CCDC146: variants seen among roughly 807,000 people sequenced by gnomAD.
CCDC146 encodes coiled-coil domain-containing protein 146.
CCDC146 carries 92 observed loss-of-function variants against 119.3 expected under a neutral mutation model. The ratio of observed to expected loss-of-function variants is 0.77; its 90% confidence interval spans 0.65 to 0.92. The LOEUF (loss-of-function observed/expected upper bound fraction) is 0.92. Ranked by LOEUF, CCDC146 falls within the 40% of genes least tolerant of loss-of-function variation. The pLI is 0.00. For missense variants in CCDC146, 1,000 were observed against 1,103.0 expected, an observed-to-expected ratio of 0.91 and a Z score of 1.32; for synonymous variants, 372 against 371.8, an observed-to-expected ratio of 1.00 and a Z score of -0.01.
intron 3 of CCDC146, among the ~76,000 whole-genome samples, chr7:77,240,571 T>C (rs1329388811): frequency 6.6e-6 from 1 of 152,260 alleles, no homozygotes; most frequent in Non-Finnish European, 1.5e-5. Flanking sequence ...AAATGCTATG[T>C]AAATGGTTGT....
chr7:77,285,264 A>C (rs748361997), intron 15 of CCDC146, among the ~76,000 whole-genome samples: 2 of 152,200 alleles, frequency 1.3e-5, no homozygotes, highest in African/African-American at 4.8e-5. Flanking sequence ...ATAAGCAAGC[A>C]CTATATTTTT....
chr7:77,256,278 G>C, intron 5 of CCDC146, 55 bp from the exon 6 acceptor site: 1 of 1,303,032 alleles, frequency 7.7e-7, no homozygotes, highest in Non-Finnish European at 1.0e-6. Context: ...CAGTTTTTAG[G>C]TAGATAAATG....
intron 3 of CCDC146, among the ~76,000 whole-genome samples, chr7:77,240,576 G>T (rs1457068211): frequency 1.3e-5 from 2 of 152,146 alleles, no homozygotes; most frequent in African/African-American, 4.8e-5. Flanking sequence ...CTATGTAAAT[G>T]GTTGTTATGC....
intron 2 of CCDC146, among the ~76,000 whole-genome samples, chr7:77,190,755 C>T (rs1349974836): frequency 6.6e-6 from 1 of 152,120 alleles, no homozygotes; most frequent in African/African-American, 2.4e-5. Flanking sequence ...TGGCAATGCA[C>T]AGAATGAAAT....
At chr7:77,218,615 C>CTTT (rs569678543) in intron 2 of CCDC146, among the ~76,000 whole-genome samples, 26 of 142,542 alleles carry the variant, frequency 1.8e-4, no homozygotes, top group Non-Finnish European at 2.5e-4. Context: ...TACCAATTCT[C>CTTT]TTTTTTTTTT....
intron 1 of CCDC146, among the ~76,000 whole-genome samples, chr7:77,157,312 T>C (rs1246344498): frequency 2.2e-5 from 3 of 134,004 alleles, no homozygotes; most frequent in Non-Finnish European, 4.7e-5. Context: ...TGAGTAATAT[T>C]GAAAGACCGT....
intron 2 of CCDC146, among the ~76,000 whole-genome samples, chr7:77,221,316 A>G (rs973904215): frequency 6.6e-6 from 1 of 152,228 alleles, no homozygotes; most frequent in Non-Finnish European, 1.5e-5. Flanking sequence ...CAAGTTTTCA[A>G]TTCAAAGGCT....
chr7:77,184,523 T>A (rs532766722), intron 2 of CCDC146, among the ~76,000 whole-genome samples: 1 of 152,356 alleles, frequency 6.6e-6, no homozygotes, highest in African/African-American at 2.4e-5. Flanking sequence ...AATTTACTTG[T>A]AAATGACACA....
intron 4 of CCDC146, among the ~76,000 whole-genome samples, chr7:77,254,130 A>G (rs1163070485): frequency 6.6e-6 from 1 of 152,204 alleles, no homozygotes; most frequent in Non-Finnish European, 1.5e-5. Flanking sequence ...GATGCAGGCA[A>G]AGTAGGAGAT....
intron 1 of CCDC146, among the ~76,000 whole-genome samples, chr7:77,145,842 G>A (rs1791008717): frequency 6.6e-6 from 1 of 152,134 alleles, no homozygotes; most frequent in African/African-American, 2.4e-5. Context: ...TTCCAACTAA[G>A]TGGTCAATTT....
rs185052435 is a variant in CCDC146 at position 77,148,278 on chromosome 7, G to C, written c.-11-19380G>C. ...TTGGAAAAGCGCAGTATTAGGGTGG[G>C]AGTGACCTGATTTTCCAGGTGCCGT... On this transcript the variant is annotated intron_variant, in intron 1 of 18. Transcript: ENST00000285871. 9.7e-3 allele frequency among the ~76,000 whole-genome samples: 1,480 copies of C among 152,276 alleles called. 71 individuals carry two copies. The highest frequency in any genetic ancestry group is 0.069 in the Admixed American group (1,063 of 15,296).
chr7:77,278,968 A>T lies in CCDC146; in HGVS notation c.1561A>T (p.Ile521Phe), dbSNP rs367747203. The T allele has an allele frequency of 9.3e-6, 15 of 1,611,572 alleles. No individual in the cohort carries two copies. The highest frequency in any genetic ancestry group is 1.3e-5 in the Non-Finnish European group (15 of 1,179,354). ...AGAGTTTGCTAAACTGTATGACACC[A>T]TTCGAAATGAAAGAAACAAATTTGT... ...LREFAKLYDT[I>F]RNERNKFVNL... is the part of the protein sequence containing the mutation. Residue 521 changes from isoleucine to phenylalanine, a missense_variant, in exon 13 of 19, where the codon ATT becomes TTT. Ile to Phe is a conservative substitution (Grantham distance 21, BLOSUM62 0). Transcript: ENST00000285871.
At position 77,279,112 on chromosome 7, in the gene CCDC146, TAA is replaced by T; in HGVS notation, c.1694+12_1694+13del. On this transcript the variant is annotated intron_variant, in intron 13 of 18. Coordinates refer to ENST00000285871, the MANE Select transcript of CCDC146 (RefSeq NM_020879.3). ...CGTTAGTCAAGAAAGGTAAGTGTTA[TAA>T]TAACTATTGGCCTTTCAAAGGCTTG... The T allele has an allele frequency of 6.2e-7, 1 of 1,608,356 alleles. No individual in the cohort carries two copies. Among genetic ancestry groups the T allele is most frequent in the Non-Finnish European group, 8.5e-7 (1 of 1,178,118 alleles).
Position 77,294,954 on chromosome 7 carries a change from C to G in CCDC146, c.*88C>G. 9.8e-7 allele frequency: 1 copy of G among 1,024,246 alleles called. No homozygotes were observed. The highest frequency in any genetic ancestry group is 1.4e-6 in the Non-Finnish European group (1 of 705,478). 63.4% of individuals were successfully genotyped at this position (1,024,246 alleles called of 1,614,324 possible). On this transcript the variant is annotated 3_prime_UTR_variant, in exon 19 of 19. Transcript: ENST00000285871. ...GGTGAAAAATGTGAGCATAATACTT[C>G]TAATATTATTGATAAGTAAGGTAAC...
intron 4 of CCDC146, among the ~76,000 whole-genome samples, chr7:77,249,511 TTCA>T (rs1793018202): frequency 6.8e-6 from 1 of 147,356 alleles, no homozygotes; most frequent in South Asian, 2.2e-4. Context: ...AAAAAAAGAA[TTCA>T]TTAGGTCTTC....
At chr7:77,130,863 C>T (rs997294959) in intron 1 of CCDC146, among the ~76,000 whole-genome samples, 2 of 149,958 alleles carry the variant, frequency 1.3e-5, no homozygotes, top group Non-Finnish European at 3.0e-5. Flanking sequence ...TCCCAAAGTG[C>T]TGGGATTACA....
In CCDC146 at chr7:77,260,033, C is replaced by A; in HGVS notation, c.783C>A (p.Val261=). 6.3e-7 allele frequency: 1 copy of A among 1,598,978 alleles called. No individual in the cohort carries two copies. Among genetic ancestry groups the A allele is most frequent in the South Asian group, 1.1e-5 (1 of 90,754 alleles). ...GAGAAATGGAAAAGAAAAAAATTGT[C>A]TTGGAACAAGAAGTCAAAACGCTAA... The part of the protein sequence containing the change: ...KKVEMEKKKI[V]LEQEVKTLND... Residue 261 remains valine, a synonymous_variant, in exon 8 of 19, where the codon GTC becomes GTA. Transcript: ENST00000285871.
chr7:77,162,178 T>A (rs1239383324), intron 1 of CCDC146, among the ~76,000 whole-genome samples: 3 of 152,196 alleles, frequency 2.0e-5, no homozygotes, highest in African/African-American at 7.2e-5. Flanking sequence ...ATTTTTCCTT[T>A]TGTTGCCCAT....
chr7:77,176,209 G>A (rs1791496948), intron 2 of CCDC146, among the ~76,000 whole-genome samples: 1 of 151,024 alleles, frequency 6.6e-6, no homozygotes, highest in Non-Finnish European at 1.5e-5. Flanking sequence ...ACCCAACTCT[G>A]CTCCTGGGTT....
Sources: allele counts gnomAD v4.1 joint callset (sites outside exome capture counted in the v4.1 genomes callset), GRCh38; gene constraint gnomAD v4.1.1; transcripts MANE v1.5; gene names NCBI Gene and HGNC (gene_info 2026-07-23, HGNC 2026-07-21).